Variants in OR2C1 observed in about 807,000 individuals in gnomAD.
OR2C1 encodes olfactory receptor 2C1.
For synonymous variants in OR2C1, 209 were observed against 167.3 expected, an observed-to-expected ratio of 1.25 and a Z score of -1.92; for missense variants, 468 against 388.3, an observed-to-expected ratio of 1.21 and a Z score of -1.73.
At chr16:3,338,558 A>C in the OR2C1 span, among the ~76,000 whole-genome samples, 1 of 21,254 alleles carries the variant, frequency 4.7e-5, no homozygotes, top group Non-Finnish European at 9.0e-5. Context: ...TTTTTTTTGA[A>C]ACGGAGTCTT....
At chr16:3,354,314 T>G (rs58673749), upstream of OR2C1, among the ~76,000 whole-genome samples, 1 of 152,156 alleles carries the variant, frequency 6.6e-6, no homozygotes, top group African/African-American at 2.4e-5. Context: ...ATTTGATGAT[T>G]TAGACGTGGA....
the OR2C1 span, among the ~76,000 whole-genome samples, chr16:3,332,380 T>G: frequency 6.6e-6 from 1 of 152,116 alleles, no homozygotes; most frequent in South Asian, 2.1e-4. Context: ...ACAGACGTTC[T>G]TCTAGCTATT....
chr16:3,355,908 A>C lies in OR2C1; in HGVS notation c.-33A>C, dbSNP rs1407091642. ...CTTTTCTTCCAGCAGCTTGCGCTAA[A>C]TGAATTCATCAAGTGACTGAAGACA... On this transcript the variant is annotated 5_prime_UTR_variant, in exon 1 of 1. The change abolishes an upstream ATG in the 5' untranslated region. Transcript: ENST00000304936. 1 of 1,501,798 alleles carries C rather than the reference A, an allele frequency of 6.7e-7. No homozygotes were observed. Among genetic ancestry groups the C allele is most frequent in the East Asian group, 2.3e-5 (1 of 44,272 alleles). 93.0% of individuals were successfully genotyped at this position (1,501,798 alleles called of 1,614,324 possible).
chr16:3,351,978 G>T (rs2030580608), upstream of OR2C1, among the ~76,000 whole-genome samples: 1 of 146,964 alleles, frequency 6.8e-6, no homozygotes, highest in South Asian at 2.2e-4. Context: ...AGCCAGAATT[G>T]TTTCTTTGAC....
chr16:3,329,970 G>A, the OR2C1 span, among the ~76,000 whole-genome samples: 1 of 150,814 alleles, frequency 6.6e-6, no homozygotes, highest in African/African-American at 2.4e-5. Context: ...GACCAGGCTG[G>A]TCTCAAACTC....
In OR2C1 at chr16:3,355,913, T is replaced by A. The variant is rs2030658372; in HGVS notation, c.-28T>A. 7.9e-6 allele frequency: 12 copies of A among 1,523,012 alleles called. No individual in the cohort carries two copies. The highest frequency in any genetic ancestry group is 1.1e-5 in the Non-Finnish European group (12 of 1,119,674). 94.3% of individuals were successfully genotyped at this position (1,523,012 alleles called of 1,614,324 possible). On this transcript the variant is annotated 5_prime_UTR_variant, in exon 1 of 1. Transcript: ENST00000304936. Reference sequence around the variant, plus strand: ...CTTCCAGCAGCTTGCGCTAAATGAATTCATCAAGTGACTGAAGACAACCAG... The same window carrying A: ...CTTCCAGCAGCTTGCGCTAAATGAAATCATCAAGTGACTGAAGACAACCAG...
upstream of OR2C1, chr16:3,355,847 G>A: frequency 1.2e-6 from 1 of 869,056 alleles, no homozygotes; most frequent in Non-Finnish European, 1.8e-6. Flanking sequence ...GACCGTTCCT[G>A]ATGCAAATCC....
chr16:3,354,483 GT>G (rs2030627587), upstream of OR2C1, among the ~76,000 whole-genome samples: 1 of 152,180 alleles, frequency 6.6e-6, no homozygotes, highest in Middle Eastern at 3.2e-3. Flanking sequence ...CTTAAGTGAA[GT>G]TTTGTTTGCT....
the OR2C1 span, among the ~76,000 whole-genome samples, chr16:3,347,886 A>G: frequency 6.6e-6 from 1 of 150,984 alleles, no homozygotes; most frequent in Admixed American, 6.6e-5. Flanking sequence ...ACATGCACAC[A>G]TGCACACACC....
the OR2C1 span, among the ~76,000 whole-genome samples, chr16:3,330,187 A>G: frequency 6.7e-6 from 1 of 149,498 alleles, no homozygotes; most frequent in African/African-American, 2.5e-5. Flanking sequence ...GCCCACTGCA[A>G]GCTCTGCCTT....
At chr16:3,344,114 G>A in the OR2C1 span, among the ~76,000 whole-genome samples, 4 of 151,992 alleles carry the variant, frequency 2.6e-5, no homozygotes, top group Non-Finnish European at 4.4e-5. Flanking sequence ...CCAGCTACTT[G>A]GTAGGCCGAG....
In OR2C1 at chr16:3,357,109, ATGT is replaced by A. The variant is rs1192616358; in HGVS notation, c.*236_*238del. 4.1e-6 allele frequency: 2 copies of A among 493,198 alleles called. No individual in the cohort carries two copies. Among genetic ancestry groups the A allele is most frequent in the South Asian group, 5.6e-5 (2 of 35,952 alleles). 30.6% of individuals were successfully genotyped at this position (493,198 alleles called of 1,614,324 possible). The stretch of plus-strand genomic sequence containing the variant: ...GTGGACTACCGATAGCAGGGGAGAC[ATGT>A]TGTTGAGGGCTCAGAGGTTATTGAC... On this transcript the variant is annotated 3_prime_UTR_variant, in exon 1 of 1. Coordinates refer to ENST00000304936, the MANE Select transcript of OR2C1 (RefSeq NM_012368.3).
the OR2C1 span, among the ~76,000 whole-genome samples, chr16:3,341,648 G>A: frequency 6.6e-6 from 1 of 152,144 alleles, no homozygotes; most frequent in African/African-American, 2.4e-5. Context: ...ATATTATGAA[G>A]GATACAGATG....
upstream of OR2C1, among the ~76,000 whole-genome samples, chr16:3,353,085 C>T (rs1567285366): frequency 6.6e-6 from 1 of 151,882 alleles, no homozygotes; most frequent in Non-Finnish European, 1.5e-5. Flanking sequence ...GGAACAAGCA[C>T]CTGAACTGGC....
chr16:3,356,018 C>A lies in OR2C1; in HGVS notation c.78C>A (p.Ile26=). Residue 26 remains isoleucine, a synonymous_variant, in exon 1 of 1, where the codon ATC becomes ATA. Coordinates refer to ENST00000304936, the MANE Select transcript of OR2C1 (RefSeq NM_012368.3). The stretch of plus-strand genomic sequence containing the variant: ...CAGACCATCCCCAGCTGGAGATGAT[C>A]TTTTTTATAGCCATCCTCTTCTCCT... ...GISDHPQLEM[I]FFIAILFSYL... is the part of the protein sequence containing the mutation. The A allele has an allele frequency of 6.2e-7, 1 of 1,613,996 alleles. No homozygotes were observed. The highest frequency in any genetic ancestry group is 1.3e-5 in the African/African-American group (1 of 75,026).
Position 3,356,998 on chromosome 16 carries a change from C to A in OR2C1, c.*119C>A. On this transcript the variant is annotated 3_prime_UTR_variant, in exon 1 of 1. Coordinates refer to ENST00000304936, the MANE Select transcript of OR2C1 (RefSeq NM_012368.3). Reference sequence around the variant, plus strand: ...CGGTAAAACCAAGGCATGTTCCTGACAGCCCTAAGCTGACAGCCCTAAGCT... The same window carrying A: ...CGGTAAAACCAAGGCATGTTCCTGAAAGCCCTAAGCTGACAGCCCTAAGCT... 1.2e-6 allele frequency: 1 copy of A among 861,170 alleles called. No homozygotes were observed. The highest frequency in any genetic ancestry group is 1.8e-6 in the Non-Finnish European group (1 of 561,408). 53.3% of individuals were successfully genotyped at this position (861,170 alleles called of 1,614,324 possible). A position where few individuals can be genotyped will look rare whatever the true frequency, so the allele number is the denominator to read the frequency against.
upstream of OR2C1, among the ~76,000 whole-genome samples, chr16:3,352,673 G>GT (rs2030590379): frequency 6.6e-6 from 1 of 151,080 alleles, no homozygotes; most frequent in Admixed American, 6.6e-5. Context: ...TCTAATACCA[G>GT]CCCCCCACAG....
the OR2C1 span, among the ~76,000 whole-genome samples, chr16:3,348,797 G>A: frequency 6.6e-6 from 1 of 152,184 alleles, no homozygotes; most frequent in East Asian, 1.9e-4. Flanking sequence ...CACCTGTTAC[G>A]TGTTTATTGA....
At chr16:3,331,429 T>G in the OR2C1 span, among the ~76,000 whole-genome samples, 1 of 151,570 alleles carries the variant, frequency 6.6e-6, no homozygotes, top group Non-Finnish European at 1.5e-5. Flanking sequence ...TGGTTGCCAT[T>G]GCTTTTGGTG....
Sources: allele counts gnomAD v4.1 joint callset (sites outside exome capture counted in the v4.1 genomes callset), GRCh38; gene constraint gnomAD v4.1.1; transcripts MANE v1.5; gene names NCBI Gene and HGNC (gene_info 2026-07-23, HGNC 2026-07-21).